RARB: variants seen among roughly 807,000 people sequenced by gnomAD.
RARB encodes the protein retinoic acid receptor beta, also known as HBV-activated protein.
A neutral mutation model predicts 51.9 loss-of-function variants in RARB; 17 were observed. That is an observed-to-expected ratio of 0.33 (90% confidence interval 0.22 to 0.49). The LOEUF is 0.49. Among genes scored for constraint, RARB ranks in the 20% least tolerant of loss-of-function variants. RARB has a pLI of 0.99. For missense variants in RARB, 369 were observed against 550.8 expected, an observed-to-expected ratio of 0.67 and a Z score of 3.30; for synonymous variants, 215 against 195.4, an observed-to-expected ratio of 1.10 and a Z score of -0.84.
At chr3:25,057,049 T>C in intron 2 of RARB, among the ~76,000 whole-genome samples, 1 of 152,122 alleles carries the variant, frequency 6.6e-6, no homozygotes, top group African/African-American at 2.4e-5. Flanking sequence ...TTGGGATTTC[T>C]GCCATGATTC....
intron 3 of RARB, among the ~76,000 whole-genome samples, chr3:25,086,508 G>C (rs572390179): frequency 6.6e-6 from 1 of 152,154 alleles, no homozygotes; most frequent in African/African-American, 2.4e-5. Flanking sequence ...TATTTAAAGA[G>C]ATTTATTTTG....
At chr3:25,129,357 T>C (rs1699909922) in intron 3 of RARB, among the ~76,000 whole-genome samples, 1 of 152,100 alleles carries the variant, frequency 6.6e-6, no homozygotes, top group African/African-American at 2.4e-5. Context: ...AGTATGTCTT[T>C]TTTGTGTGTG....
intron 3 of RARB, among the ~76,000 whole-genome samples, chr3:25,106,458 G>GTTTTTTTTTTTTTTTTTTTTTTTTTTT (rs1330251701): frequency 9.3e-6 from 1 of 107,840 alleles, no homozygotes; most frequent in African/African-American, 4.0e-5. Flanking sequence ...TTTGTTTTTT[G>GTTTTTTTTTTTTTTTTTTTTTTTTTTT]TTTTTTTTTG....
chr3:24,943,901 A>T (rs769558674), intron 2 of RARB, among the ~76,000 whole-genome samples: 5 of 152,206 alleles, frequency 3.3e-5, no homozygotes, highest in Admixed American at 6.5e-5. Context: ...TTCAATATCA[A>T]ACATTCTTGC....
intron 2 of RARB, among the ~76,000 whole-genome samples, chr3:25,468,011 TG>T (rs1176440208): frequency 6.6e-6 from 1 of 151,878 alleles, no homozygotes; most frequent in Non-Finnish European, 1.5e-5. Flanking sequence ...CCTGATGTGA[TG>T]GGGGTCAGGT....
chr3:24,936,640 T>C (rs528519384), intron 2 of RARB, among the ~76,000 whole-genome samples: 1 of 152,342 alleles, frequency 6.6e-6, no homozygotes, highest in South Asian at 2.1e-4. Flanking sequence ...TAATCATCTC[T>C]GCATAATCAA....
intron 3 of RARB, among the ~76,000 whole-genome samples, chr3:25,126,917 C>G (rs74797183): frequency 0.01 from 1,557 of 152,214 alleles, 15 homozygotes; most frequent in Middle Eastern, 0.017. Context: ...ATTCCCTCTC[C>G]TTCACACACT....
At chr3:25,110,309 C>T (rs1699579735) in intron 3 of RARB, among the ~76,000 whole-genome samples, 1 of 152,126 alleles carries the variant, frequency 6.6e-6, no homozygotes, top group African/African-American at 2.4e-5. Flanking sequence ...GCATTCTGTA[C>T]TTTTCTAAGG....
At chr3:24,853,733 A>G (rs1011985897) in intron 1 of RARB, among the ~76,000 whole-genome samples, 1 of 152,260 alleles carries the variant, frequency 6.6e-6, no homozygotes, top group Non-Finnish European at 1.5e-5. Context: ...AAACAGGGCC[A>G]TTGAATCTAA....
chr3:25,436,374 A>G (rs1286353077), intron 1 of RARB, among the ~76,000 whole-genome samples: 1 of 152,254 alleles, frequency 6.6e-6, no homozygotes, highest in Non-Finnish European at 1.5e-5. Flanking sequence ...TGGCAGATAA[A>G]GGGTAATAAT....
chr3:25,509,378 T>C (rs1243774273), intron 3 of RARB, among the ~76,000 whole-genome samples: 1 of 152,176 alleles, frequency 6.6e-6, no homozygotes, highest in Admixed American at 6.5e-5. Flanking sequence ...TGACACAGTT[T>C]GGTTGCCGCT....
intron 3 of RARB, among the ~76,000 whole-genome samples, chr3:25,540,068 A>G (rs1441668643): frequency 6.6e-6 from 1 of 152,174 alleles, no homozygotes; most frequent in African/African-American, 2.4e-5. Context: ...AATCCCCTGC[A>G]TATACCGAGT....
intron 2 of RARB, among the ~76,000 whole-genome samples, chr3:24,965,946 T>A (rs977207695): frequency 6.6e-6 from 1 of 152,178 alleles, no homozygotes; most frequent in African/African-American, 2.4e-5. Context: ...AGTGTTACAT[T>A]TTTTGTGCAC....
At chr3:25,332,698 A>G (rs112344888) in intron 5 of RARB, among the ~76,000 whole-genome samples, 9,183 of 152,266 alleles carry the variant, frequency 0.06, 298 homozygotes, top group African/African-American at 0.082. Flanking sequence ...GGAGAAAGAA[A>G]TAAAGGGTAT....
chr3:25,484,990 A>C (rs572812659), intron 2 of RARB, among the ~76,000 whole-genome samples: 56 of 152,370 alleles, frequency 3.7e-4, no homozygotes, highest in African/African-American at 1.2e-3. Context: ...TAATTGAAAG[A>C]AGTGATATTA....
chr3:25,238,153 C>G lies in RARB; in HGVS notation c.178+63578C>G, dbSNP rs1016726281. ...CAACCTGTCTTCATCCTCCAGCGCC[C>G]CCCCACACATCCTTCCCAGTCTCTG... On this transcript the variant is annotated intron_variant, in intron 5 of 11. Transcript: ENST00000383772. Among the ~76,000 whole-genome samples, 30 of 152,022 alleles carry G rather than the reference C, an allele frequency of 2.0e-4. 1 individual carries two copies. The highest frequency in any genetic ancestry group is 1.0e-3 in the South Asian group (5 of 4,804).
chr3:25,426,920 AGT>A (rs1354137067), upstream of RARB, among the ~76,000 whole-genome samples: 1 of 152,210 alleles, frequency 6.6e-6, no homozygotes, highest in African/African-American at 2.4e-5. Flanking sequence ...AGGTTGGGTC[AGT>A]GTGAGAGATC....
chr3:25,398,196 C>T (rs1416168099), intron 5 of RARB, among the ~76,000 whole-genome samples: 2 of 152,108 alleles, frequency 1.3e-5, no homozygotes, highest in African/African-American at 4.8e-5. Flanking sequence ...CAGACACTTT[C>T]CCATCCCTCT....
chr3:25,097,367 A>C lies in RARB; in HGVS notation c.-327-34794A>C, dbSNP rs367710640. Among the ~76,000 whole-genome samples, 10 of 152,368 alleles carry C rather than the reference A, an allele frequency of 6.6e-5. No homozygotes were observed. The South Asian group carries it at 2.1e-3, about 32-fold the overall frequency. ...TGCAGGTACTAAAAAAGAAAGTAACATGAAAACATTGAGGGGGTTACTTGA... is the reference window on the plus strand; with the variant it reads ...TGCAGGTACTAAAAAAGAAAGTAACCTGAAAACATTGAGGGGGTTACTTGA... On this transcript the variant is annotated intron_variant, in intron 3 of 11. Transcript: ENST00000383772.
Sources: gnomAD v4.1 joint callset for allele counts (sites outside exome capture counted in the v4.1 genomes callset) on GRCh38, gnomAD v4.1.1 for gene constraint, MANE v1.5 for transcripts, NCBI Gene and HGNC (gene_info 2026-07-23, HGNC 2026-07-21) for gene names.